Variants in LRRC69 observed in about 807,000 individuals in gnomAD.
LRRC69 encodes the protein leucine-rich repeat-containing protein 69.
LRRC69 carries 42 observed loss-of-function variants against 37.8 expected under a neutral mutation model. That is an observed-to-expected ratio of 1.11 (90% CI 0.87 to 1.44). The LOEUF (loss-of-function observed/expected upper bound fraction) is 1.44. LRRC69 is among the 40% of genes most tolerant of loss of function. The pLI, the probability that LRRC69 is intolerant of heterozygous loss-of-function variation, is 0.00. For missense variants in LRRC69, 357 were observed against 401.9 expected, an observed-to-expected ratio of 0.89 and a Z score of 0.96; for synonymous variants, 141 against 143.1, an observed-to-expected ratio of 0.99 and a Z score of 0.11.
intron 6 of LRRC69, among the ~76,000 whole-genome samples, chr8:91,191,949 C>G (rs1451533256): frequency 6.6e-6 from 1 of 151,248 alleles, no homozygotes; most frequent in African/African-American, 2.4e-5. Flanking sequence ...CACCCACTAA[C>G]TCGTCATCTA....
intron 5 of LRRC69, among the ~76,000 whole-genome samples, chr8:91,141,186 C>G (rs1215060552): frequency 6.6e-6 from 1 of 151,986 alleles, no homozygotes; most frequent in East Asian, 1.9e-4. Context: ...GCAACACTGT[C>G]GGTTGTTCAG....
intron 7 of LRRC69, chr8:91,205,510 C>T (rs1182880956): frequency 2.6e-5 from 4 of 151,764 alleles, no homozygotes; most frequent in Non-Finnish European, 5.9e-5. Context: ...CTCTGTGGAT[C>T]CTGACAGACA....
At chr8:91,118,350 GCAAAAAAAAAAAAAAAAAAAAAA>G (rs1813552468) in intron 1 of LRRC69, 19 of 20,232 alleles carry the variant, frequency 9.4e-4, no homozygotes, top group South Asian at 5.0e-3. Context: ...TACTAAAAAT[GCAAAAAAAAAAAAAAAAAAAAAA>G]AAAAAAAAAA....
chr8:91,155,613 A>G (rs1045669974), intron 5 of LRRC69, among the ~76,000 whole-genome samples: 5 of 150,740 alleles, frequency 3.3e-5, no homozygotes, highest in Non-Finnish European at 7.4e-5. Context: ...GTAATTTTGT[A>G]TTTGTTAACT....
In LRRC69 at chr8:91,169,302, A is replaced by C. The variant is rs546138982; in HGVS notation, c.652-20220A>C. 7.2e-5 allele frequency among the ~76,000 whole-genome samples: 11 copies of C among 152,040 alleles called. No individual in the cohort carries two copies. The East Asian group carries it at 2.1e-3, about 29-fold the overall frequency. On this transcript the variant is annotated intron_variant, in intron 5 of 7. Coordinates refer to ENST00000448384, the Ensembl canonical transcript of LRRC69. ...AGGATTAAAAAACTCTCTATCAAGT[A>C]CTATGATTATTACCTGGGTGATGAA...
At chr8:91,158,500 G>A in intron 5 of LRRC69, 4 of 1,121,188 alleles carry the variant, frequency 3.6e-6, no homozygotes, top group South Asian at 2.5e-5. Flanking sequence ...CAATGCACAT[G>A]GGAGATGAAG....
chr8:91,117,244 C>G (rs547236425), intron 1 of LRRC69, among the ~76,000 whole-genome samples: 1 of 152,028 alleles, frequency 6.6e-6, no homozygotes, highest in South Asian at 2.1e-4. Context: ...ATTTAAGTCA[C>G]AATACATCCA....
intron 5 of LRRC69, among the ~76,000 whole-genome samples, chr8:91,176,295 C>T (rs1809228843): frequency 6.6e-6 from 1 of 151,392 alleles, no homozygotes; most frequent in African/African-American, 2.4e-5. Flanking sequence ...CCACCATGCC[C>T]ATTTAGTTTT....
chr8:91,129,225 G>T (rs1813767404), intron 3 of LRRC69, among the ~76,000 whole-genome samples: 1 of 152,028 alleles, frequency 6.6e-6, no homozygotes, highest in South Asian at 2.1e-4. Context: ...GGAAGACAGA[G>T]AGAGAGAGCA....
At chr8:91,191,409 G>A (rs995797603) in intron 6 of LRRC69, among the ~76,000 whole-genome samples, 1 of 152,016 alleles carries the variant, frequency 6.6e-6, no homozygotes, top group Non-Finnish European at 1.5e-5. Flanking sequence ...TATGGACAAG[G>A]TACTGTTCTA....
intron 1 of LRRC69, among the ~76,000 whole-genome samples, chr8:91,106,942 G>A (rs570666151): frequency 6.6e-6 from 1 of 151,508 alleles, no homozygotes; most frequent in Admixed American, 6.6e-5. Flanking sequence ...ACAGGCGTGT[G>A]CCACTACCCC....
At chr8:91,124,641 A>G in intron 2 of LRRC69, 22 bp downstream of exon 2, 1 of 1,498,358 alleles carries the variant, frequency 6.7e-7, no homozygotes, top group South Asian at 1.3e-5. Flanking sequence ...AACAAGGAAC[A>G]ACATTATAGC....
intron 7 of LRRC69, chr8:91,206,931 A>T (rs1475837844): frequency 7.0e-6 from 7 of 993,680 alleles, no homozygotes; most frequent in Non-Finnish European, 9.2e-6. Context: ...TTAACCAGAG[A>T]GTCTGGGCTA....
chr8:91,183,829 G>A (rs1018799804), intron 5 of LRRC69, among the ~76,000 whole-genome samples: 1 of 152,178 alleles, frequency 6.6e-6, no homozygotes, highest in Non-Finnish European at 1.5e-5. Context: ...GTGTGACTCT[G>A]CAAACAGCAC....
intron 3 of LRRC69, among the ~76,000 whole-genome samples, chr8:91,128,187 C>T (rs1813752536): frequency 6.6e-6 from 1 of 151,964 alleles, no homozygotes; most frequent in South Asian, 2.1e-4. Context: ...TATCTCTGTG[C>T]AACTAGATTT....
chr8:91,123,777 A>G (rs190998848), intron 1 of LRRC69, among the ~76,000 whole-genome samples: 2 of 152,124 alleles, frequency 1.3e-5, no homozygotes, highest in East Asian at 1.9e-4. Context: ...GAATATTACT[A>G]TATTTTTGGG....
At chr8:91,151,335 C>T (rs1374081394) in intron 5 of LRRC69, among the ~76,000 whole-genome samples, 8 of 151,574 alleles carry the variant, frequency 5.3e-5, no homozygotes, top group Non-Finnish European at 8.8e-5. Context: ...GCCTTCGTTT[C>T]ATTATGTACC....
intron 5 of LRRC69, among the ~76,000 whole-genome samples, chr8:91,163,527 C>T (rs969439381): frequency 2.0e-5 from 3 of 151,404 alleles, no homozygotes; most frequent in African/African-American, 7.3e-5. Flanking sequence ...TCTTCTCTGA[C>T]CTTGATGTCA....
chr8:91,198,882 A>C (rs971080273), intron 6 of LRRC69, among the ~76,000 whole-genome samples: 2 of 152,194 alleles, frequency 1.3e-5, no homozygotes, highest in Non-Finnish European at 2.9e-5. Context: ...TTTCCAAGTA[A>C]GAACTTTATA....
Sources: gnomAD v4.1 joint callset for allele counts (sites outside exome capture counted in the v4.1 genomes callset) on GRCh38, gnomAD v4.1.1 for gene constraint, MANE v1.5 for transcripts, NCBI Gene and HGNC (gene_info 2026-07-23, HGNC 2026-07-21) for gene names.